The following SUMF1 variants were observed in gnomAD, a reference collection of about 807,000 sequenced individuals.
The protein encoded by SUMF1 is formylglycine-generating enzyme.
A neutral mutation model predicts 47.6 loss-of-function variants in SUMF1; 48 were observed. The observed-to-expected ratio is 1.01, with a 90% CI of 0.80 to 1.28. The LOEUF (loss-of-function observed/expected upper bound fraction) is 1.28. Ranked by LOEUF, SUMF1 falls within the 50% of genes most tolerant of loss-of-function variation. The pLI, the probability that SUMF1 is intolerant of heterozygous loss-of-function variation, is 0.00. For missense variants in SUMF1, 571 were observed against 485.4 expected, an observed-to-expected ratio of 1.18 and a Z score of -1.66; for synonymous variants, 230 against 192.1, an observed-to-expected ratio of 1.20 and a Z score of -1.63.
At position 4,262,244 on chromosome 3, in the gene SUMF1, G is replaced by A. The variant is rs117500956; in HGVS notation, c.1014+114086C>T. Among the ~76,000 whole-genome samples the A allele has an allele frequency of 2.0e-4, 30 of 152,170 alleles. No homozygotes were observed. In the East Asian group the frequency reaches 3.9e-3, roughly 20 times the overall value. ...AAGCACATTGCTCAGCACAACCTCCGAAGTGTGATGGAGAGAGCTGGGCCT... is the reference window on the plus strand; with the variant it reads ...AAGCACATTGCTCAGCACAACCTCCAAAGTGTGATGGAGAGAGCTGGGCCT... On this transcript the variant is annotated intron_variant and NMD_transcript_variant, in intron 8 of 12. Coordinates refer to the SUMF1 transcript ENST00000448413.
intron 2 of SUMF1, among the ~76,000 whole-genome samples, chr3:4,449,848 T>C (rs1702910764): frequency 6.6e-6 from 1 of 152,230 alleles, no homozygotes. Flanking sequence ...TGATTTTATT[T>C]AACATTAGTG....
intron 8 of SUMF1, among the ~76,000 whole-genome samples, chr3:4,373,935 A>AT (rs1199585519): frequency 6.6e-6 from 1 of 152,192 alleles, no homozygotes; most frequent in Non-Finnish European, 1.5e-5. Context: ...AAGCAAAATC[A>AT]TATTATCATC....
chr3:4,040,866 C>T (rs1694896527), intron 9 of SUMF1, among the ~76,000 whole-genome samples: 1 of 152,112 alleles, frequency 6.6e-6, no homozygotes, highest in Admixed American at 6.6e-5. Context: ...TCTTTATGGA[C>T]TGAGTGGGCT....
At chr3:4,108,060 G>A (rs192168434) in intron 8 of SUMF1, among the ~76,000 whole-genome samples, 1 of 152,086 alleles carries the variant, frequency 6.6e-6, no homozygotes, top group African/African-American at 2.4e-5. Context: ...TATATCGAAG[G>A]CTAGAACAGT....
chr3:4,459,853 T>C (rs143963632), intron 1 of SUMF1, among the ~76,000 whole-genome samples: 2 of 152,340 alleles, frequency 1.3e-5, no homozygotes, highest in East Asian at 3.9e-4. Flanking sequence ...CAATAATTCA[T>C]TCAACAAATA....
rs556174654 is a variant in SUMF1, at chr3:4,267,243, A to G, written c.1014+109087T>C. ...ATCAGAATGATGCTGGCCTCATAAA[A>G]TGAGTTAGGGAGGTTTCCCTCTTTT... On this transcript the variant is annotated intron_variant and NMD_transcript_variant, in intron 8 of 12. Coordinates refer to the SUMF1 transcript ENST00000448413. Among the ~76,000 whole-genome samples, 9 of 152,286 alleles carry G rather than the reference A, an allele frequency of 5.9e-5. No homozygotes were observed. In the East Asian group the frequency reaches 1.7e-3, roughly 29 times the overall value.
At chr3:4,335,961 A>AAAAAAAAC (rs1491155120) in intron 8 of SUMF1, among the ~76,000 whole-genome samples, 6 of 35,154 alleles carry the variant, frequency 1.7e-4, no homozygotes, top group Non-Finnish European at 2.5e-4. Context: ...ATTCCAACTC[A>AAAAAAAAC]AAAAAAAAAA....
At chr3:4,241,057 G>C (rs570820880) in intron 8 of SUMF1, among the ~76,000 whole-genome samples, 2 of 152,076 alleles carry the variant, frequency 1.3e-5, no homozygotes, top group Non-Finnish European at 2.9e-5. Context: ...TCAGTAGAAA[G>C]TAATTAGTAG....
intron 8 of SUMF1, among the ~76,000 whole-genome samples, chr3:4,287,452 T>A (rs928520272): frequency 2.6e-5 from 4 of 152,188 alleles, no homozygotes; most frequent in Non-Finnish European, 4.4e-5. Flanking sequence ...ATGGGATGTG[T>A]GTGCTTGTTG....
chr3:4,306,390 G>T (rs749090442), intron 8 of SUMF1, among the ~76,000 whole-genome samples: 1 of 151,738 alleles, frequency 6.6e-6, no homozygotes, highest in African/African-American at 2.4e-5. Flanking sequence ...AAATAAATAC[G>T]TCTATTTTTA....
intron 8 of SUMF1, among the ~76,000 whole-genome samples, chr3:4,277,911 CATTATCATCAA>C (rs1455382473): frequency 6.6e-6 from 1 of 152,062 alleles, no homozygotes; most frequent in African/African-American, 2.4e-5. Flanking sequence ...TCATCACTAT[CATTATCATCAA>C]ATTATCATCA....
chr3:4,310,572 T>C (rs921334706), intron 8 of SUMF1, among the ~76,000 whole-genome samples: 5 of 152,208 alleles, frequency 3.3e-5, no homozygotes, highest in Non-Finnish European at 7.3e-5. Flanking sequence ...TATCTGCAGT[T>C]CATTCGGAAT....
chr3:4,381,857 G>A (rs1268675939), intron 7 of SUMF1, among the ~76,000 whole-genome samples: 1 of 152,104 alleles, frequency 6.6e-6, no homozygotes, highest in Non-Finnish European at 1.5e-5. Context: ...CCGGCCTTGG[G>A]CAACATGGTG....
intron 8 of SUMF1, among the ~76,000 whole-genome samples, chr3:4,374,887 C>A (rs902149330): frequency 6.6e-6 from 1 of 151,978 alleles, no homozygotes; most frequent in East Asian, 1.9e-4. Flanking sequence ...TTAGGCCGGG[C>A]ACAGTGGCTG....
chr3:4,080,049 A>C (rs1692526428), intron 8 of SUMF1, among the ~76,000 whole-genome samples: 1 of 151,942 alleles, frequency 6.6e-6, no homozygotes. Context: ...ATCTTCACAG[A>C]GTAGTCACTC....
chr3:4,297,704 T>C (rs2125061151), intron 8 of SUMF1, among the ~76,000 whole-genome samples: 1 of 152,072 alleles, frequency 6.6e-6, no homozygotes, highest in East Asian at 1.9e-4. Flanking sequence ...CCACTGTGCC[T>C]GGCCGTGATA....
chr3:4,441,418 T>C (rs1473693030), intron 3 of SUMF1, among the ~76,000 whole-genome samples: 1 of 152,156 alleles, frequency 6.6e-6, no homozygotes, highest in African/African-American at 2.4e-5. Context: ...AATAATAATA[T>C]AAATAAAGTA....
In SUMF1 at chr3:4,435,993, T is replaced by C. The variant is rs1035605542; in HGVS notation, c.519+13273A>G. On this transcript the variant is annotated intron_variant, in intron 3 of 8. Transcript: ENST00000272902. ...CAGACTATTTTTCTTCTTTAAAATA[T>C]GTACGAGGCGGGGTGCAGTGATGCA... Among the ~76,000 whole-genome samples the C allele has an allele frequency of 5.3e-5, 8 of 152,314 alleles. No individual in the cohort carries two copies. In the East Asian group the frequency reaches 1.5e-3, roughly 29 times the overall value.
At chr3:4,450,352 G>A (rs975480002) in intron 2 of SUMF1, among the ~76,000 whole-genome samples, 1 of 152,152 alleles carries the variant, frequency 6.6e-6, no homozygotes, top group African/African-American at 2.4e-5. Flanking sequence ...GTGCTGTCCT[G>A]TTCTTACTAG....
Sources: gnomAD v4.1 joint callset for allele counts (sites outside exome capture counted in the v4.1 genomes callset) on GRCh38, gnomAD v4.1.1 for gene constraint, MANE v1.5 for transcripts, NCBI Gene and HGNC (gene_info 2026-07-23, HGNC 2026-07-21) for gene names.